The following SLCO3A1 variants were observed in gnomAD, a reference collection of about 807,000 sequenced individuals.
SLCO3A1 encodes PGE1 transporter.
A neutral mutation model predicts 63.1 loss-of-function variants in SLCO3A1; 27 were observed. That is an observed-to-expected ratio of 0.43 (90% CI 0.32 to 0.59). SLCO3A1 has a LOEUF of 0.59. SLCO3A1 is among the 20% of genes least tolerant of loss of function. The pLI, the probability that SLCO3A1 is intolerant of heterozygous loss-of-function variation, is 0.09. For missense variants in SLCO3A1, 773 were observed against 945.8 expected (o/e 0.82, Z 2.40); for synonymous variants, 473 against 409.9 (o/e 1.15, Z -1.86).
chr15:92,125,893 G>A (rs926420040), intron 5 of SLCO3A1, among the ~76,000 whole-genome samples, 168 bp from the exon 6 acceptor site: 1 of 151,762 alleles, frequency 6.6e-6, no homozygotes, highest in Non-Finnish European at 1.5e-5. Context: ...GCTCCCTGGG[G>A]GCATAAATCA....
chr15:92,155,640 T>C (rs887545408), intron 9 of SLCO3A1, among the ~76,000 whole-genome samples: 1 of 137,748 alleles, frequency 7.3e-6, no homozygotes, highest in African/African-American at 2.5e-5. Context: ...ATCAAAAGCA[T>C]TGAAGTGAGA....
rs933198283 is a variant in SLCO3A1 at position 92,033,827 on chromosome 15, G to A, written c.647-61054G>A. 6.6e-6 allele frequency among the ~76,000 whole-genome samples: 1 copy of A among 152,160 alleles called. No individual in the cohort carries two copies. Among genetic ancestry groups the A allele is most frequent in the Non-Finnish European group, 1.5e-5 (1 of 68,032 alleles). On this transcript the variant is annotated intron_variant, in intron 2 of 9. Transcript: ENST00000318445. This position sits in a 1 kb window ranked among gnomAD's most constrained non-coding sequence, Gnocchi z 4.5. ...TGTGTAAAGACATCAAGGGAGTGAGGGACAAGCCGGGAGGTTATCTGGAGG... is the reference window on the plus strand; with the variant it reads ...TGTGTAAAGACATCAAGGGAGTGAGAGACAAGCCGGGAGGTTATCTGGAGG...
intron 10 of SLCO3A1, chr15:92,171,511 C>T: frequency 2.5e-6 from 1 of 399,106 alleles, no homozygotes; most frequent in Middle Eastern, 6.8e-4. Flanking sequence ...CTTACTCATC[C>T]CCGACATCTG....
intron 6 of SLCO3A1, among the ~76,000 whole-genome samples, chr15:92,127,593 G>C (rs1164380785): frequency 6.6e-6 from 1 of 152,190 alleles, no homozygotes; most frequent in Non-Finnish European, 1.5e-5. Flanking sequence ...CTGAGCCTTA[G>C]GAGACATAGC....
intron 2 of SLCO3A1, among the ~76,000 whole-genome samples, chr15:92,088,182 G>A (rs1354058909): frequency 2.6e-5 from 4 of 152,214 alleles, no homozygotes; most frequent in African/African-American, 9.6e-5. Context: ...ACTGTGACTA[G>A]TGCTCTCAAC....
At chr15:91,961,377 C>G (rs1900438753) in intron 2 of SLCO3A1, among the ~76,000 whole-genome samples, 1 of 152,190 alleles carries the variant, frequency 6.6e-6, no homozygotes. Context: ...GCCTGAAGGG[C>G]ATAGGCAATA....
intron 2 of SLCO3A1, among the ~76,000 whole-genome samples, chr15:92,022,985 G>A (rs900577960): frequency 6.6e-6 from 1 of 152,196 alleles, no homozygotes; most frequent in Non-Finnish European, 1.5e-5. Context: ...TTTGTAGCCA[G>A]AAGTCATCGA....
intron 1 of SLCO3A1, among the ~76,000 whole-genome samples, chr15:91,890,884 A>G (rs1459682361): frequency 6.6e-6 from 1 of 152,166 alleles, no homozygotes; most frequent in Admixed American, 6.5e-5. Flanking sequence ...AAAGGTAGAC[A>G]TTGCTGGGTG....
intron 1 of SLCO3A1, among the ~76,000 whole-genome samples, chr15:91,880,395 C>CTGTGTGTGTGTGTGTGTGTG (rs71156619): frequency 2.2e-5 from 2 of 89,986 alleles, no homozygotes; most frequent in African/African-American, 3.8e-5. Context: ...CTCTCTCTCT[C>CTGTGTGTGTGTGTGTGTGTG]TCTCTCTCTC....
At chr15:91,867,751 C>G (rs766026959) in intron 1 of SLCO3A1, among the ~76,000 whole-genome samples, 5 of 152,174 alleles carry the variant, frequency 3.3e-5, no homozygotes, top group Non-Finnish European at 7.3e-5. Flanking sequence ...AATAGGTAGT[C>G]ACCGGGGCCT....
Position 91,854,359 on chromosome 15 carries a change from G to T in SLCO3A1, c.180+271G>T. On this transcript the variant is annotated intron_variant, in intron 1 of 9. Transcript: ENST00000318445. This position sits in a 1 kb window ranked among gnomAD's most constrained non-coding sequence, Gnocchi z 6.4. ...GGGTGCCGGGGGAGGAGAGGCGGCG[G>T]GCAGGTGGGCGTGAAACTATTCCTC... 1 of 1,103,072 alleles carries T rather than the reference G, an allele frequency of 9.1e-7. No individual in the cohort carries two copies. The highest frequency in any genetic ancestry group is 1.1e-6 in the Non-Finnish European group (1 of 904,764). The allele number at this position is 1,103,072 out of a possible 1,614,324, so 68.3% of individuals were successfully genotyped here.
intron 1 of SLCO3A1, among the ~76,000 whole-genome samples, chr15:91,873,083 G>A (rs1389359168): frequency 6.6e-6 from 1 of 152,200 alleles, no homozygotes; most frequent in African/African-American, 2.4e-5. Flanking sequence ...AGTGTTCTGT[G>A]TCAGTGTGAA....
rs1023907213 is a variant in SLCO3A1, at chr15:92,104,510, A to G, written c.977A>G (p.Asp326Gly). The change falls in exon 4 of 10, where the codon GAC becomes GGC. Residue 326 changes from aspartate to glycine, a missense_variant. Coordinates refer to ENST00000318445, the MANE Select transcript of SLCO3A1 (RefSeq NM_013272.4). Reference sequence around the variant, plus strand: ...GTCCTGAGGCACCCCCTGGAGCCAGACAGCAGTGCCTCCTGTTTCCAGCAG... The same window carrying G: ...GTCCTGAGGCACCCCCTGGAGCCAGGCAGCAGTGCCTCCTGTTTCCAGCAG... The part of the protein sequence containing the change: ...NGVLRHPLEP[D>G]SSASCFQQLR... 1 of 1,613,804 alleles carries G rather than the reference A, an allele frequency of 6.2e-7. No homozygotes were observed. The highest frequency in any genetic ancestry group is 8.5e-7 in the Non-Finnish European group (1 of 1,179,998).
At chr15:91,945,341 C>A (rs1436107926) in intron 2 of SLCO3A1, among the ~76,000 whole-genome samples, 202 of 136,958 alleles carry the variant, frequency 1.5e-3, no homozygotes, top group East Asian at 1.9e-3. Context: ...GACTCCATCT[C>A]AAAAAAAAAA....
At chr15:91,869,010 C>A (rs1417157408) in intron 1 of SLCO3A1, among the ~76,000 whole-genome samples, 1 of 152,082 alleles carries the variant, frequency 6.6e-6, no homozygotes, top group African/African-American at 2.4e-5. Context: ...AATTCAAAAT[C>A]CCCCATTCAG....
At chr15:91,953,764 G>A (rs1019494701) in intron 2 of SLCO3A1, among the ~76,000 whole-genome samples, 9 of 152,158 alleles carry the variant, frequency 5.9e-5, no homozygotes, top group African/African-American at 2.2e-4. Flanking sequence ...TGGTCTCAGT[G>A]TGGGTGGGAA....
At chr15:92,087,049 C>A (rs2047413514) in intron 2 of SLCO3A1, among the ~76,000 whole-genome samples, 1 of 151,288 alleles carries the variant, frequency 6.6e-6, no homozygotes. Context: ...CTGTCATTTT[C>A]TAGAAGCTTT....
At chr15:92,094,669 A>C (rs1334114324) in intron 2 of SLCO3A1, among the ~76,000 whole-genome samples, 1 of 152,236 alleles carries the variant, frequency 6.6e-6, no homozygotes, top group Non-Finnish European at 1.5e-5. Context: ...AAAGCAACCT[A>C]CCTGAAATAC....
At chr15:92,015,566 A>C (rs1330802753) in intron 2 of SLCO3A1, among the ~76,000 whole-genome samples, 1 of 152,104 alleles carries the variant, frequency 6.6e-6, no homozygotes, top group East Asian at 1.9e-4. Flanking sequence ...TCAAGATGAG[A>C]TTTGGGTGAG....
Sources: gnomAD v4.1 joint callset for allele counts (sites outside exome capture counted in the v4.1 genomes callset) on GRCh38, gnomAD v4.1.1 for gene constraint, Gnocchi (gnomAD v3.1) non-coding constraint, MANE v1.5 for transcripts, NCBI Gene and HGNC (gene_info 2026-07-23, HGNC 2026-07-21) for gene names.